Variants in SIN3A observed in about 807,000 individuals in gnomAD.
The protein encoded by SIN3A is SIN3 transcription regulator family member A, also known as paired amphipathic helix protein Sin3a.
SIN3A carries 14 observed loss-of-function variants against 146.1 expected under a neutral mutation model. The observed-to-expected ratio is 0.10, with a 90% CI of 0.06 to 0.15. The LOEUF (loss-of-function observed/expected upper bound fraction) is 0.15, where lower values mean the gene tolerates loss of function less well. Among genes scored for constraint, SIN3A ranks in the 10% least tolerant of loss-of-function variants. The probability of loss-of-function intolerance (pLI) is 1.00; values close to 1 mark genes in which losing one functional copy is unlikely to be tolerated. For synonymous variants in SIN3A, 572 were observed against 572.0 expected (o/e 1.00, Z 0.00); for missense variants, 1,028 against 1,576.0 (o/e 0.65, Z 5.89).
chr15:75,430,542 A>G (rs1271376274), intron 1 of SIN3A, 134 bp from the exon 2 acceptor site: 1 of 613,130 alleles, frequency 1.6e-6, no homozygotes. Context: ...TTAGTGATGA[A>G]GTTTAAGTGC....
At chr15:75,394,624 A>AGCTGT in intron 14 of SIN3A, 56 bp downstream of exon 14, 1 of 1,408,578 alleles carries the variant, frequency 7.1e-7, no homozygotes. Flanking sequence ...CAGAAATCAA[A>AGCTGT]GCTGTGCTAA....
chr15:75,380,891 G>A (rs767646904), intron 18 of SIN3A, 168 bp from the exon 19 acceptor site: 5 of 561,210 alleles, frequency 8.9e-6, no homozygotes, highest in African/African-American at 7.5e-5. Flanking sequence ...ATTGGAACAC[G>A]GATTAAAAAT....
At chr15:75,423,771 TCACTTGAGTTCAGG>T (rs1340579622) in intron 2 of SIN3A, among the ~76,000 whole-genome samples, 1 of 152,032 alleles carries the variant, frequency 6.6e-6, no homozygotes, top group Non-Finnish European at 1.5e-5. Context: ...GGCAGACAGA[TCACTTGAGTTCAGG>T]AGCTTGAGAC....
At chr15:75,447,475 G>A (rs918031048) in intron 1 of SIN3A, among the ~76,000 whole-genome samples, 5 of 152,118 alleles carry the variant, frequency 3.3e-5, no homozygotes, top group Admixed American at 1.3e-4. Context: ...AGAGATCCCC[G>A]TTAGAGTCAT....
Position 75,397,671 on chromosome 15 carries a change from C to T in SIN3A, c.1855-1175G>A, listed in dbSNP as rs533157175. Among the ~76,000 whole-genome samples, 42 of 152,268 alleles carry T rather than the reference C, an allele frequency of 2.8e-4. No individual in the cohort carries two copies. The South Asian group carries it at 6.0e-3, about 22-fold the overall frequency. On this transcript the variant is annotated intron_variant, in intron 12 of 20. Coordinates refer to ENST00000394947, the MANE Select transcript of SIN3A (RefSeq NM_001145358.2). ...ATTACTAACCTATCTTGATTGGTAA[C>T]GCACATTCCTTCAAACTAGCTCATC... is the stretch of plus-strand genomic sequence containing the variant.
chr15:75,397,838 C>T (rs143231065), intron 12 of SIN3A, among the ~76,000 whole-genome samples: 43 of 152,324 alleles, frequency 2.8e-4, no homozygotes, highest in African/African-American at 9.4e-4. Flanking sequence ...AAATGCCAAG[C>T]TCTGCTAAAC....
chr15:75,391,112 C>T (rs2073191916), intron 15 of SIN3A, among the ~76,000 whole-genome samples: 1 of 152,200 alleles, frequency 6.6e-6, no homozygotes, highest in African/African-American at 2.4e-5. Flanking sequence ...CAGACTATCA[C>T]ATTCTTTAGC....
In SIN3A at chr15:75,409,906, T is replaced by C. The variant is rs1386176771; in HGVS notation, c.1247A>G (p.Lys416Arg). The C allele has an allele frequency of 1.2e-6, 2 of 1,614,070 alleles. No individual in the cohort carries two copies. Among genetic ancestry groups the C allele is most frequent in the East Asian group, 2.2e-5 (1 of 44,878 alleles). ...GTVKKPQLNN[K>R]PQRPSQNGCQ... is the part of the protein sequence containing the mutation. ...GCCATTCTGGCTGGGCCTCTGCGGC[T>C]TGTTGTTCAGTTGGGGCTTCTTGAC... is the stretch of plus-strand genomic sequence containing the variant. Residue 416 changes from lysine (K) to arginine (R), a missense_variant, in exon 8 of 21, where the codon AAG becomes AGG. Physicochemically the swap from Lys to Arg is conservative, Grantham distance 26. Transcript: ENST00000394947.
intron 8 of SIN3A, among the ~76,000 whole-genome samples, chr15:75,409,464 C>A (rs1009345560): frequency 6.6e-6 from 1 of 151,752 alleles, no homozygotes; most frequent in Non-Finnish European, 1.5e-5. Context: ...GACTGCCGGG[C>A]ACAGGTAATC....
At chr15:75,417,687 A>T (rs993763074) in intron 3 of SIN3A, among the ~76,000 whole-genome samples, 1 of 152,000 alleles carries the variant, frequency 6.6e-6, no homozygotes, top group Admixed American at 6.6e-5. Flanking sequence ...CCAGGCATAG[A>T]TAGTCTTTTG....
chr15:75,430,546 T>C, intron 1 of SIN3A, 138 bp from the exon 2 acceptor site: 1 of 591,544 alleles, frequency 1.7e-6, no homozygotes, highest in Non-Finnish European at 2.8e-6. Context: ...TGATGAAGTT[T>C]AAGTGCATGT....
At chr15:75,398,174 T>A (rs991592786) in intron 12 of SIN3A, among the ~76,000 whole-genome samples, 2 of 152,238 alleles carry the variant, frequency 1.3e-5, no homozygotes, top group African/African-American at 4.8e-5. Flanking sequence ...GTCAATTTAA[T>A]GTAACAGATA....
chr15:75,452,173 G>A (rs1159886398), upstream of SIN3A, among the ~76,000 whole-genome samples: 1 of 152,172 alleles, frequency 6.6e-6, no homozygotes, highest in African/African-American at 2.4e-5. Context: ...CGCACTGCCG[G>A]GCCAGGCCCC....
chr15:75,399,746 C>CA (rs1567346464), intron 12 of SIN3A, among the ~76,000 whole-genome samples: 1 of 152,166 alleles, frequency 6.6e-6, no homozygotes, highest in Non-Finnish European at 1.5e-5. Flanking sequence ...CCATGCAAAA[C>CA]ATAATAATCT....
intron 2 of SIN3A, among the ~76,000 whole-genome samples, chr15:75,429,653 C>T (rs950100038): frequency 2.0e-5 from 3 of 152,140 alleles, no homozygotes; most frequent in Admixed American, 2.0e-4. Context: ...TGCACTAAGA[C>T]AATATCACAA....
chr15:75,381,523 T>G (rs1014243678), intron 18 of SIN3A, 90 bp downstream of exon 18: 10 of 942,556 alleles, frequency 1.1e-5, no homozygotes, highest in Non-Finnish European at 1.7e-5. Flanking sequence ...TGAGGTGCCT[T>G]GGCCTTTTGG....
Position 75,381,688 on chromosome 15 carries a change from G to C in SIN3A, c.3213C>G (p.Ser1071Arg). 1 of 1,613,596 alleles carries C rather than the reference G, an allele frequency of 6.2e-7. No individual in the cohort carries two copies. Among genetic ancestry groups the C allele is most frequent in the Non-Finnish European group, 8.5e-7 (1 of 1,179,702 alleles). ...CAATAGTCAGCTGGACCTGGCCTTG[G>C]CTCTGAATAAACATAAGCTGCAAAT... ...ENCFKLMFIQ[S>R]QGQVQLTIEL... Residue 1071 changes from serine to arginine, a missense_variant, in exon 18 of 21, where the codon AGC becomes AGG. By Grantham distance (110) the Ser-to-Arg change is moderately radical. Coordinates refer to ENST00000394947, the MANE Select transcript of SIN3A (RefSeq NM_001145358.2).
intron 1 of SIN3A, among the ~76,000 whole-genome samples, chr15:75,434,016 C>A (rs796719552): frequency 2.0e-5 from 3 of 152,298 alleles, no homozygotes; most frequent in African/African-American, 4.8e-5. Context: ...CCCAAGGTTG[C>A]ACAGCTAGTA....
intron 1 of SIN3A, among the ~76,000 whole-genome samples, chr15:75,437,617 G>A (rs1056410485): frequency 6.6e-5 from 10 of 152,104 alleles, no homozygotes; most frequent in East Asian, 1.9e-4. Flanking sequence ...GTAAAACCAC[G>A]CTTGCAGAGG....
Sources: allele counts gnomAD v4.1 joint callset (sites outside exome capture counted in the v4.1 genomes callset), GRCh38; gene constraint gnomAD v4.1.1; transcripts MANE v1.5; gene names NCBI Gene and HGNC (gene_info 2026-07-23, HGNC 2026-07-21).